The following SWT1 variants were observed in gnomAD, a reference collection of about 807,000 sequenced individuals.
SWT1 encodes the protein transcriptional protein SWT1.
In SWT1, 33 loss-of-function variants were observed where a neutral mutation model predicts 107.3. The observed-to-expected ratio is 0.31, with a 90% CI of 0.23 to 0.41. The LOEUF (loss-of-function observed/expected upper bound fraction) is 0.41. Ranked by LOEUF, SWT1 falls within the 10% of genes least tolerant of loss-of-function variation. The pLI, the probability that SWT1 is intolerant of heterozygous loss-of-function variation, is 1.00. For missense variants in SWT1, 898 were observed against 1,028.9 expected, an observed-to-expected ratio of 0.87 and a Z score of 1.74; for synonymous variants, 345 against 348.3, an observed-to-expected ratio of 0.99 and a Z score of 0.11.
Position 185,290,312 on chromosome 1 carries a change from C to T in SWT1, c.2574-362C>T, listed in dbSNP as rs539240902. Among the ~76,000 whole-genome samples the T allele has an allele frequency of 7.9e-5, 12 of 151,902 alleles. 1 individual carries two copies. Among genetic ancestry groups the T allele is most frequent in the Admixed American group, 5.9e-4 (9 of 15,232 alleles). On this transcript the variant is annotated intron_variant, in intron 18 of 18. Transcript: ENST00000367500. ...ATAACTAAGGCTGGGCGTGGTGGCT[C>T]ATGCATGTAATCCTAGCACTTTGGG...
chr1:185,234,124 G>A (rs1266200011), intron 16 of SWT1, among the ~76,000 whole-genome samples: 2 of 152,148 alleles, frequency 1.3e-5, no homozygotes, highest in Non-Finnish European at 2.9e-5. Flanking sequence ...GTAGATGTCT[G>A]TTAGGTCTGC....
At position 185,204,742 on chromosome 1, in the gene SWT1, A is replaced by T; in HGVS notation, c.1712A>T (p.Asn571Ile). The T allele has an allele frequency of 1.9e-6, 3 of 1,600,680 alleles. No individual in the cohort carries two copies. The highest frequency in any genetic ancestry group is 2.6e-6 in the Non-Finnish European group (3 of 1,174,992). ...LKESYKEEST[N>I]SGLSILLESI... ...GAGAGCTATAAGGAGGAATCTACAA[A>T]TTCTGGACTGTCCATTCTGCTTGAG... Residue 571 changes from asparagine (N) to isoleucine (I), a missense_variant, in exon 12 of 19, where the codon AAT (asparagine) becomes ATT (isoleucine). Around this residue, in one of 6 missense-constraint regions of SWT1, gnomAD observed 382 missense variants for 460.0 expected, o/e 0.83. Transcript: ENST00000367500.
At chr1:185,257,458 G>A (rs1662656618) in intron 16 of SWT1, among the ~76,000 whole-genome samples, 1 of 152,206 alleles carries the variant, frequency 6.6e-6, no homozygotes, top group African/African-American at 2.4e-5. Context: ...GACCCTCCGA[G>A]CCAGGTGCGG....
Position 185,168,390 on chromosome 1 carries a change from A to G in SWT1, c.216A>G (p.Gly72=). The G allele has an allele frequency of 2.2e-6, 3 of 1,383,638 alleles. No individual in the cohort carries two copies. Among genetic ancestry groups the G allele is most frequent in the Non-Finnish European group, 2.9e-6 (3 of 1,029,952 alleles). 85.7% of individuals were successfully genotyped at this position (1,383,638 alleles called of 1,614,324 possible). A position where few individuals can be genotyped will look rare whatever the true frequency, so the allele number is the denominator to read the frequency against. Residue 72 remains glycine, a synonymous_variant, in exon 4 of 19, where the codon GGA becomes GGG. Transcript: ENST00000367500. ...ACTATAATATAAAAAGAAGACAAGG[A>G]CTGAAAAGGTAAATTTCTCCTTTTT... ...VLYYNIKRRQ[G]LKRLSVEIDT...
intron 14 of SWT1, among the ~76,000 whole-genome samples, chr1:185,218,406 G>A (rs1659387604): frequency 6.6e-6 from 1 of 152,040 alleles, no homozygotes; most frequent in African/African-American, 2.4e-5. Flanking sequence ...TTGACCTCGT[G>A]TCAAATGATC....
chr1:185,269,006 C>T (rs577905742), intron 16 of SWT1, among the ~76,000 whole-genome samples: 26 of 152,166 alleles, frequency 1.7e-4, no homozygotes, highest in African/African-American at 5.5e-4. Flanking sequence ...GCGCCCGCCA[C>T]TACGCCCGGC....
chr1:185,189,776 TTTTC>T (rs980794971), intron 9 of SWT1, among the ~76,000 whole-genome samples: 5 of 151,184 alleles, frequency 3.3e-5, no homozygotes, highest in Admixed American at 2.6e-4. Flanking sequence ...ATGTAAAAAG[TTTTC>T]TTTCTTTTAT....
At chr1:185,281,178 A>G (rs975535795) in intron 18 of SWT1, 14 of 231,030 alleles carry the variant, frequency 6.1e-5, no homozygotes, top group Middle Eastern at 1.5e-3. Context: ...CAAGAATGCC[A>G]TTGCCATCAA....
chr1:185,279,601 T>A (rs1664487437), intron 18 of SWT1, among the ~76,000 whole-genome samples: 1 of 150,558 alleles, frequency 6.6e-6, no homozygotes, highest in South Asian at 2.1e-4. Context: ...ATCTTTTGGG[T>A]TTTTTGTGAA....
intron 18 of SWT1, chr1:185,280,878 AC>A: frequency 4.4e-6 from 2 of 456,800 alleles, no homozygotes. Flanking sequence ...GTGGTGGTCT[AC>A]CCCCTGTTGC....
At chr1:185,284,840 C>A (rs1242049076) in intron 18 of SWT1, among the ~76,000 whole-genome samples, 1 of 151,532 alleles carries the variant, frequency 6.6e-6, no homozygotes, top group African/African-American at 2.4e-5. Flanking sequence ...ATTCCAGTGC[C>A]TCTCTGGACC....
At chr1:185,241,114 T>C (rs1661228952) in intron 16 of SWT1, among the ~76,000 whole-genome samples, 1 of 152,156 alleles carries the variant, frequency 6.6e-6, no homozygotes, top group African/African-American at 2.4e-5. Context: ...TACACAAAGA[T>C]AACACACTTT....
At chr1:185,286,177 G>A (rs1195551347) in intron 18 of SWT1, among the ~76,000 whole-genome samples, 1 of 152,078 alleles carries the variant, frequency 6.6e-6, no homozygotes, top group Admixed American at 6.6e-5. Flanking sequence ...ATTAACATAG[G>A]ATGCTTTTTC....
At chr1:185,174,323 A>G (rs370386868) in intron 4 of SWT1, 49 bp from the exon 5 acceptor site, 17 of 1,437,196 alleles carry the variant, frequency 1.2e-5, no homozygotes, top group Non-Finnish European at 1.6e-5. Context: ...ATAGAGTGCA[A>G]CATTATGTAT....
intron 15 of SWT1, among the ~76,000 whole-genome samples, chr1:185,230,934 A>G (rs910648889): frequency 5.9e-5 from 9 of 152,062 alleles, no homozygotes; most frequent in African/African-American, 2.2e-4. Context: ...TTTTTTCTAG[A>G]GACAAGGTTG....
At chr1:185,189,909 C>T (rs1007648297) in intron 9 of SWT1, among the ~76,000 whole-genome samples, 2 of 150,470 alleles carry the variant, frequency 1.3e-5, no homozygotes, top group South Asian at 4.2e-4. Context: ...AGTGCAGTGG[C>T]GGGATCTCAG....
At chr1:185,187,711 T>C (rs912332349) in intron 9 of SWT1, among the ~76,000 whole-genome samples, 5 of 151,808 alleles carry the variant, frequency 3.3e-5, no homozygotes, top group African/African-American at 4.8e-5. Context: ...TGAGATGGAG[T>C]TTTGCTCTTG....
chr1:185,220,409 T>C (rs907486346), intron 14 of SWT1, among the ~76,000 whole-genome samples: 2 of 152,096 alleles, frequency 1.3e-5, no homozygotes, highest in African/African-American at 4.8e-5. Flanking sequence ...TTCTTCTCAG[T>C]CCTTCTTCAG....
At chr1:185,172,834 G>A (rs1353346053) in intron 4 of SWT1, among the ~76,000 whole-genome samples, 2 of 151,860 alleles carry the variant, frequency 1.3e-5, no homozygotes, top group Admixed American at 1.3e-4. Context: ...AGATCACGAG[G>A]TCAAATCGAG....
Sources: allele counts gnomAD v4.1 joint callset (sites outside exome capture counted in the v4.1 genomes callset), GRCh38; gene constraint gnomAD v4.1.1; regional missense constraint gnomAD v4.1.1; transcripts MANE v1.5; gene names NCBI Gene and HGNC (gene_info 2026-07-23, HGNC 2026-07-21).